Variants in RPTOR observed in about 807,000 individuals in gnomAD.
The protein encoded by RPTOR is regulatory-associated protein of mTOR.
Under a neutral mutation model 169.9 loss-of-function variants are expected in RPTOR, and 21 were observed. The observed-to-expected ratio is 0.12, with a 90% CI of 0.09 to 0.18. The LOEUF (loss-of-function observed/expected upper bound fraction) is 0.18. Among genes scored for constraint, RPTOR ranks in the 10% least tolerant of loss-of-function variants. The pLI, the probability that RPTOR is intolerant of heterozygous loss-of-function variation, is 1.00. For synonymous variants in RPTOR, 732 were observed against 753.2 expected, an observed-to-expected ratio of 0.97 and a Z score of 0.46; for missense variants, 1,133 against 1,855.9, an observed-to-expected ratio of 0.61 and a Z score of 7.16.
intron 3 of RPTOR, among the ~76,000 whole-genome samples, chr17:80,672,646 C>G (rs936302007): frequency 2.6e-5 from 4 of 151,800 alleles, no homozygotes; most frequent in African/African-American, 9.7e-5. Context: ...AAAAATTAGC[C>G]GGGTGTGGTG....
chr17:80,592,440 C>A (rs2065114338), intron 1 of RPTOR, among the ~76,000 whole-genome samples: 1 of 152,128 alleles, frequency 6.6e-6, no homozygotes, highest in Non-Finnish European at 1.5e-5. Flanking sequence ...ACGCTGGAGG[C>A]TTGCCCTGGG....
rs958548917 is a variant in RPTOR, at chr17:80,878,590, C to T, written c.1510-1825C>T. 4.6e-5 allele frequency among the ~76,000 whole-genome samples: 7 copies of T among 152,170 alleles called. No homozygotes were observed. The highest frequency in any genetic ancestry group is 4.1e-4 in the South Asian group (2 of 4,828). On this transcript the variant is annotated intron_variant, in intron 13 of 33. Transcript: ENST00000306801. This position sits in a 1 kb window ranked among gnomAD's most constrained non-coding sequence, Gnocchi z 4.1. ...CTCGAACTCCTGACCTTGTGACCCG[C>T]CTGTCTCAGCCTCCCAAAGTGCTGG...
intron 7 of RPTOR, among the ~76,000 whole-genome samples, chr17:80,806,519 C>G (rs1363944824): frequency 6.6e-6 from 1 of 152,124 alleles, no homozygotes; most frequent in Non-Finnish European, 1.5e-5. Flanking sequence ...TTTGTCTGGT[C>G]ACCAAAAATA....
intron 6 of RPTOR, among the ~76,000 whole-genome samples, chr17:80,775,976 A>G (rs1470621744): frequency 6.6e-6 from 1 of 152,044 alleles, no homozygotes; most frequent in Non-Finnish European, 1.5e-5. Context: ...TTACTTAATC[A>G]TTTCCCTCTC....
At chr17:80,829,459 A>C (rs527597077) in intron 9 of RPTOR, among the ~76,000 whole-genome samples, 1 of 152,314 alleles carries the variant, frequency 6.6e-6, no homozygotes, top group South Asian at 2.1e-4. Flanking sequence ...TGATTATTAG[A>C]TGTTGATATC....
chr17:80,940,613 C>A lies in RPTOR; in HGVS notation c.3025+12C>A. 6.3e-7 allele frequency: 1 copy of A among 1,597,482 alleles called. No homozygotes were observed. On this transcript the variant is annotated intron_variant, in intron 25 of 33. Transcript: ENST00000306801. Reference sequence around the variant, plus strand: ...AGTCATTCAGAAGGGTAAGGGCACCCGCACAGCCAGCCAGGGGCTCATTCC... The same window carrying A: ...AGTCATTCAGAAGGGTAAGGGCACCAGCACAGCCAGCCAGGGGCTCATTCC...
At chr17:80,841,168 C>T (rs2067644609) in intron 10 of RPTOR, among the ~76,000 whole-genome samples, 1 of 129,158 alleles carries the variant, frequency 7.7e-6, no homozygotes, top group South Asian at 2.6e-4. Flanking sequence ...GCAGCTCACT[C>T]TCACCGCACG....
At chr17:80,938,997 A>G (rs2144033058) in intron 24 of RPTOR, among the ~76,000 whole-genome samples, 1 of 152,366 alleles carries the variant, frequency 6.6e-6, no homozygotes, top group African/African-American at 2.4e-5. Context: ...CATGCGCCAT[A>G]GTCTTTATTC....
intron 4 of RPTOR, among the ~76,000 whole-genome samples, chr17:80,715,045 A>G (rs1440546226): frequency 6.6e-6 from 1 of 152,234 alleles, no homozygotes; most frequent in Non-Finnish European, 1.5e-5. Context: ...TTCTGCCTTA[A>G]GGAAACAGAA....
chr17:80,598,339 T>C (rs1006197099), intron 1 of RPTOR, among the ~76,000 whole-genome samples: 1 of 152,092 alleles, frequency 6.6e-6, no homozygotes, highest in Non-Finnish European at 1.5e-5. Context: ...TGACAACTTA[T>C]TTAATAGAAG....
chr17:80,624,894 C>T (rs1381952275), intron 1 of RPTOR, among the ~76,000 whole-genome samples: 5 of 152,190 alleles, frequency 3.3e-5, no homozygotes, highest in African/African-American at 9.7e-5. Flanking sequence ...GGCCGGAGCT[C>T]TGCCGGGAGG....
At chr17:80,890,091 C>T (rs761435940) in intron 17 of RPTOR, among the ~76,000 whole-genome samples, 1 of 151,850 alleles carries the variant, frequency 6.6e-6, no homozygotes, top group Non-Finnish European at 1.5e-5. Context: ...GGATGTGCGG[C>T]CCCCGAGGGA....
chr17:80,820,638 G>A lies in RPTOR; in HGVS notation c.891-1563G>A, dbSNP rs1356135078. Among the ~76,000 whole-genome samples, 1 of 151,764 alleles carries A rather than the reference G, an allele frequency of 6.6e-6. No individual in the cohort carries two copies. Among genetic ancestry groups the A allele is most frequent in the Non-Finnish European group, 1.5e-5 (1 of 67,890 alleles). ...CTTTTCCTCACTCCCCTGCTCGGAG[G>A]TCGGAGGGCAGGCAGCCTGGCCATT... On this transcript the variant is annotated intron_variant, in intron 7 of 33. Coordinates refer to ENST00000306801, the MANE Select transcript of RPTOR (RefSeq NM_020761.3). This position sits in a 1 kb window ranked among gnomAD's most constrained non-coding sequence, Gnocchi z 4.1.
Position 80,754,224 on chromosome 17 carries a change from T to C in RPTOR, c.830+39T>C. On this transcript the variant is annotated intron_variant, in intron 6 of 33. Coordinates refer to ENST00000306801, the MANE Select transcript of RPTOR (RefSeq NM_020761.3). This position sits in a 1 kb window ranked among gnomAD's most constrained non-coding sequence, Gnocchi z 4.2. ...GCTGTGCCCCTGGGACCCACTCAAC[T>C]GGGCTCTCCCGCAGGGACCCCAACC... The C allele has an allele frequency of 2.6e-6, 4 of 1,548,510 alleles. No homozygotes were observed. The highest frequency in any genetic ancestry group is 3.5e-6 in the Non-Finnish European group (4 of 1,143,098).
intron 2 of RPTOR, among the ~76,000 whole-genome samples, chr17:80,642,828 T>C (rs942286671): frequency 1.3e-5 from 2 of 152,164 alleles, no homozygotes; most frequent in Admixed American, 6.5e-5. Context: ...TTTCCACATA[T>C]GCAGTCACTG....
At chr17:80,806,717 G>A (rs2067222033) in intron 7 of RPTOR, among the ~76,000 whole-genome samples, 1 of 152,116 alleles carries the variant, frequency 6.6e-6, no homozygotes, top group African/African-American at 2.4e-5. Flanking sequence ...ACCATCATCA[G>A]CCTTGTGCCA....
rs143392642 is a variant in RPTOR at position 80,882,821 on chromosome 17, A to G, written c.1585-598A>G. Among the ~76,000 whole-genome samples, 36 of 152,340 alleles carry G rather than the reference A, an allele frequency of 2.4e-4. No homozygotes were observed. The East Asian group carries it at 6.5e-3, about 28-fold the overall frequency. ...ACTCAGGTACCCTGGGAGCCCTGCA[A>G]TAATCCAAGGAGCCCTGCAATAATC... On this transcript the variant is annotated intron_variant, in intron 14 of 33. Transcript: ENST00000306801.
chr17:80,774,433 C>A, intron 6 of RPTOR: 1 of 826,456 alleles, frequency 1.2e-6, no homozygotes, highest in Non-Finnish European at 1.5e-6. Context: ...TCAAAGCAGA[C>A]GTAGTGCATA....
chr17:80,576,552 A>G (rs897659156), intron 1 of RPTOR, among the ~76,000 whole-genome samples: 1 of 152,198 alleles, frequency 6.6e-6, no homozygotes, highest in African/African-American at 2.4e-5. Flanking sequence ...GCTGATGCAC[A>G]TGCTTTTGAC....
Sources: gnomAD v4.1 joint callset for allele counts (sites outside exome capture counted in the v4.1 genomes callset) on GRCh38, gnomAD v4.1.1 for gene constraint, Gnocchi (gnomAD v3.1) non-coding constraint, MANE v1.5 for transcripts, NCBI Gene and HGNC (gene_info 2026-07-23, HGNC 2026-07-21) for gene names.